Variants in DLGAP2 observed in about 807,000 individuals in gnomAD.
DLGAP2 encodes DLG associated protein 2.
Under a neutral mutation model 100.3 loss-of-function variants are expected in DLGAP2, and 26 were observed. That is an observed-to-expected ratio of 0.26 (90% CI 0.19 to 0.36). DLGAP2 has a LOEUF of 0.36. Ranked by LOEUF, DLGAP2 falls within the 10% of genes least tolerant of loss-of-function variation. The pLI, the probability that DLGAP2 is intolerant of heterozygous loss-of-function variation, is 1.00. For synonymous variants in DLGAP2, 886 were observed against 630.1 expected, an observed-to-expected ratio of 1.41 and a Z score of -6.08; for missense variants, 1,858 against 1,453.2, an observed-to-expected ratio of 1.28 and a Z score of -4.53.
At chr8:1,641,826 G>A (rs901184404) in intron 8 of DLGAP2, among the ~76,000 whole-genome samples, 1 of 152,008 alleles carries the variant, frequency 6.6e-6, no homozygotes, top group African/African-American at 2.4e-5. Context: ...CAGGTTTTCA[G>A]ATATTGTGGA....
intron 2 of DLGAP2, among the ~76,000 whole-genome samples, chr8:1,144,054 G>A (rs891972611): frequency 3.3e-5 from 5 of 152,186 alleles, no homozygotes; most frequent in African/African-American, 1.2e-4. Context: ...CCACAGCACC[G>A]CTTGTTTCCT....
rs1801643681 is a variant in DLGAP2, at chr8:1,022,220, C to G, written c.73+114254C>G. Among the ~76,000 whole-genome samples the G allele has an allele frequency of 2.0e-5, 3 of 151,766 alleles. No individual in the cohort carries two copies. In the South Asian group the frequency reaches 6.2e-4, roughly 32 times the overall value. On this transcript the variant is annotated intron_variant, in intron 2 of 14. Transcript: ENST00000637795. Reference sequence around the variant, plus strand: ...ACCACCCACCCTCCCTGGGAGTGGACAGTCCCATGCCGAGGTAGACACTCC... The same window carrying G: ...ACCACCCACCCTCCCTGGGAGTGGAGAGTCCCATGCCGAGGTAGACACTCC...
At chr8:893,973 C>T (rs776170553) in intron 1 of DLGAP2, among the ~76,000 whole-genome samples, 7 of 152,210 alleles carry the variant, frequency 4.6e-5, no homozygotes, top group Admixed American at 6.5e-5. Flanking sequence ...CCTTGGCTGT[C>T]GGCCCGAGGC....
rs888511206 is a variant in DLGAP2 at position 1,408,973 on chromosome 8, G to A, written c.107-92393G>A. ...CATTTAATCGATGTCTGTTGGGGAA[G>A]CATCAGTTAATTCCCTGAAAGATAA... On this transcript the variant is annotated intron_variant, in intron 3 of 14. Coordinates refer to ENST00000637795, the MANE Select transcript of DLGAP2 (RefSeq NM_001346810.2). 5.3e-5 allele frequency among the ~76,000 whole-genome samples: 8 copies of A among 152,238 alleles called. No individual in the cohort carries two copies. In the East Asian group the frequency reaches 1.2e-3, roughly 22 times the overall value.
At chr8:1,157,728 G>A (rs1796817863) in intron 2 of DLGAP2, among the ~76,000 whole-genome samples, 1 of 152,194 alleles carries the variant, frequency 6.6e-6, no homozygotes, top group East Asian at 1.9e-4. Flanking sequence ...ACCATGACAA[G>A]AGAACGTCAG....
chr8:1,526,241 A>G (rs1167679545), intron 4 of DLGAP2, among the ~76,000 whole-genome samples: 1 of 150,888 alleles, frequency 6.6e-6, no homozygotes, highest in African/African-American at 2.4e-5. Flanking sequence ...TGCGGTGGCG[A>G]TTGTGTTTTT....
At chr8:921,650 G>A (rs559055041) in intron 2 of DLGAP2, among the ~76,000 whole-genome samples, 4 of 152,246 alleles carry the variant, frequency 2.6e-5, no homozygotes, top group Non-Finnish European at 5.9e-5. Flanking sequence ...CAGCGCAGCT[G>A]TTACAGATGC....
intron 1 of DLGAP2, among the ~76,000 whole-genome samples, chr8:832,439 A>T (rs1796800288): frequency 6.6e-6 from 1 of 152,086 alleles, no homozygotes; most frequent in Non-Finnish European, 1.5e-5. Context: ...TTTTAATTTT[A>T]TTGTTTACAG....
At chr8:803,156 G>C (rs1796204302) in intron 1 of DLGAP2, among the ~76,000 whole-genome samples, 2 of 151,996 alleles carry the variant, frequency 1.3e-5, no homozygotes, top group Admixed American at 1.3e-4. Context: ...TGTGTGTCTA[G>C]ACTTTGGGCC....
At chr8:1,491,556 A>C (rs1487798731) in intron 3 of DLGAP2, among the ~76,000 whole-genome samples, 1 of 152,260 alleles carries the variant, frequency 6.6e-6, no homozygotes, top group Non-Finnish European at 1.5e-5. Context: ...CATGGTGGAC[A>C]TATCTTTAAG....
intron 2 of DLGAP2, among the ~76,000 whole-genome samples, chr8:1,095,697 A>G (rs1293378954): frequency 6.6e-6 from 1 of 152,198 alleles, no homozygotes; most frequent in African/African-American, 2.4e-5. Flanking sequence ...CCCAGGCCAA[A>G]ACAGTCCCGT....
intron 1 of DLGAP2, among the ~76,000 whole-genome samples, chr8:832,882 A>C (rs1796807514): frequency 6.6e-6 from 1 of 152,140 alleles, no homozygotes. Context: ...GGGTGTATGG[A>C]CATGGGGTGG....
At chr8:1,158,332 A>G (rs1043312457) in intron 2 of DLGAP2, among the ~76,000 whole-genome samples, 2 of 152,224 alleles carry the variant, frequency 1.3e-5, no homozygotes, top group Admixed American at 1.3e-4. Flanking sequence ...TCTGTGTGTT[A>G]TATGTGCATG....
At chr8:1,344,677 G>A (rs1346792149) in intron 3 of DLGAP2, among the ~76,000 whole-genome samples, 1 of 152,098 alleles carries the variant, frequency 6.6e-6, no homozygotes, top group African/African-American at 2.4e-5. Flanking sequence ...TCTCCACTCA[G>A]TCTCCCGCGC....
intron 3 of DLGAP2, among the ~76,000 whole-genome samples, chr8:1,430,708 CT>C (rs751603978): frequency 3.3e-5 from 5 of 152,192 alleles, no homozygotes; most frequent in Non-Finnish European, 7.3e-5. Flanking sequence ...TTTAAGTATT[CT>C]TTTCTATCAC....
chr8:987,646 C>A (rs540855300), intron 2 of DLGAP2, among the ~76,000 whole-genome samples: 2 of 152,160 alleles, frequency 1.3e-5, no homozygotes, highest in Non-Finnish European at 2.9e-5. Context: ...TACTGCAGCT[C>A]GTGGGAATCC....
chr8:821,439 C>G (rs1376110288), intron 1 of DLGAP2, among the ~76,000 whole-genome samples: 2 of 152,310 alleles, frequency 1.3e-5, no homozygotes, highest in African/African-American at 2.4e-5. Flanking sequence ...TTCGTACTTC[C>G]TCCGATTCAT....
intron 6 of DLGAP2, among the ~76,000 whole-genome samples, chr8:1,578,691 A>C (rs964517630): frequency 1.3e-5 from 2 of 152,200 alleles, no homozygotes; most frequent in African/African-American, 4.8e-5. Context: ...GCACATCCTA[A>C]TTATATATAT....
intron 2 of DLGAP2, among the ~76,000 whole-genome samples, chr8:1,202,333 T>C (rs1797897448): frequency 6.6e-6 from 1 of 151,582 alleles, no homozygotes; most frequent in African/African-American, 2.4e-5. Flanking sequence ...GGGTGAGGCC[T>C]GGGCCAGGGG....
Sources: allele counts gnomAD v4.1 joint callset (sites outside exome capture counted in the v4.1 genomes callset), GRCh38; gene constraint gnomAD v4.1.1; transcripts MANE v1.5; gene names NCBI Gene and HGNC (gene_info 2026-07-23, HGNC 2026-07-21).